The following OLFM3 variants were observed in gnomAD, a reference collection of about 807,000 sequenced individuals.
The protein encoded by OLFM3 is noelin-3.
A neutral mutation model predicts 48.6 loss-of-function variants in OLFM3; 20 were observed. That is an observed-to-expected ratio of 0.41 (90% CI 0.29 to 0.60). OLFM3 has a LOEUF of 0.60. OLFM3 is among the 20% of genes least tolerant of loss of function. The probability of loss-of-function intolerance (pLI) is 0.28; values close to 1 mark genes in which losing one functional copy is unlikely to be tolerated. For missense variants in OLFM3, 437 were observed against 544.3 expected, an observed-to-expected ratio of 0.80 and a Z score of 1.96; for synonymous variants, 222 against 198.1, an observed-to-expected ratio of 1.12 and a Z score of -1.01.
At chr1:101,935,980 A>G (rs1391152550) in intron 1 of OLFM3, among the ~76,000 whole-genome samples, 1 of 152,184 alleles carries the variant, frequency 6.6e-6, no homozygotes, top group East Asian at 1.9e-4. Flanking sequence ...CCTCAAAATA[A>G]TAAGAACCAT....
In OLFM3 at chr1:101,955,489, C is replaced by T. The variant is rs1660261121; in HGVS notation, c.69+41259G>A. 2.6e-5 allele frequency among the ~76,000 whole-genome samples: 4 copies of T among 151,972 alleles called. No individual in the cohort carries two copies. The South Asian group carries it at 8.3e-4, about 31-fold the overall frequency. ...ACCATATTCGATAACCTATTTTCAG[C>T]ACTACTTGACTTCTATGTGAAATTT... On this transcript the variant is annotated intron_variant, in intron 1 of 5. Transcript: ENST00000370103.
rs545956909 is a variant in OLFM3, at chr1:101,889,772, A to G, written c.70-52747T>C. ...ACTTAGCAGTATTTGACTAAGAGGT[A>G]AAAGATTAAAAGGAGTTAAAGATGG... On this transcript the variant is annotated intron_variant, in intron 1 of 5. Transcript: ENST00000370103. Among the ~76,000 whole-genome samples, 3 of 152,196 alleles carry G rather than the reference A, an allele frequency of 2.0e-5. No individual in the cohort carries two copies. The East Asian group carries it at 5.8e-4, about 29-fold the overall frequency.
intron 1 of OLFM3, among the ~76,000 whole-genome samples, chr1:101,839,095 AT>A (rs1203862714): frequency 6.6e-6 from 1 of 152,202 alleles, no homozygotes; most frequent in Non-Finnish European, 1.5e-5. Flanking sequence ...TCCTTGATCT[AT>A]TACGTAAAGG....
In OLFM3 at chr1:101,966,066, G is replaced by T. The variant is rs1660598666; in HGVS notation, c.69+30682C>A. 3.3e-5 allele frequency among the ~76,000 whole-genome samples: 5 copies of T among 152,146 alleles called. No homozygotes were observed. The South Asian group carries it at 1.0e-3, about 32-fold the overall frequency. On this transcript the variant is annotated intron_variant, in intron 1 of 5. Transcript: ENST00000370103. ...ACTCCTCTTCTTTCATTAGGCTTGG[G>T]ATAGCAGTTGTTCTCTTCTGCTATT...
chr1:101,869,647 G>C (rs889076913), intron 1 of OLFM3, among the ~76,000 whole-genome samples: 4 of 152,106 alleles, frequency 2.6e-5, no homozygotes, highest in African/African-American at 9.7e-5. Flanking sequence ...ATATGTTATG[G>C]CTGTGTCGTC....
At chr1:101,962,177 T>C (rs990086944) in intron 1 of OLFM3, among the ~76,000 whole-genome samples, 7 of 151,932 alleles carry the variant, frequency 4.6e-5, no homozygotes, top group Non-Finnish European at 8.8e-5. Context: ...AAAGAAGGGG[T>C]GATGGATAGA....
intron 1 of OLFM3, among the ~76,000 whole-genome samples, chr1:101,848,267 T>C (rs1656088580): frequency 6.6e-6 from 1 of 152,146 alleles, no homozygotes; most frequent in South Asian, 2.1e-4. Context: ...AAAGGAAAAG[T>C]ATTGTTTTGA....
intron 1 of OLFM3, among the ~76,000 whole-genome samples, chr1:101,887,523 A>G (rs1014572772): frequency 2.0e-5 from 3 of 152,054 alleles, no homozygotes; most frequent in Admixed American, 6.6e-5. Context: ...CTTAAGGTCA[A>G]TAATGTCTAG....
At position 101,883,958 on chromosome 1, in the gene OLFM3, G is replaced by A. The variant is rs569865350; in HGVS notation, c.70-46933C>T. On this transcript the variant is annotated intron_variant, in intron 1 of 5. Coordinates refer to ENST00000370103, the MANE Select transcript of OLFM3 (RefSeq NM_058170.4). ...TATCTTTTTTTTTTAATCCTGGTCT[G>A]TATTGATTCTCATCTTTTAAGCCAC... is the stretch of plus-strand genomic sequence containing the variant. Among the ~76,000 whole-genome samples the A allele has an allele frequency of 2.0e-5, 3 of 151,700 alleles. No homozygotes were observed. In the East Asian group the frequency reaches 5.9e-4, roughly 30 times the overall value.
chr1:101,836,127 T>C (rs1324501883), intron 2 of OLFM3, among the ~76,000 whole-genome samples: 1 of 152,182 alleles, frequency 6.6e-6, no homozygotes, highest in East Asian at 1.9e-4. Context: ...TTATTCCTAA[T>C]GACATTTAGA....
At chr1:101,964,815 T>A (rs1458289177) in intron 1 of OLFM3, among the ~76,000 whole-genome samples, 2 of 152,222 alleles carry the variant, frequency 1.3e-5, no homozygotes, top group Admixed American at 1.3e-4. Context: ...ATTTTTATTT[T>A]AAACAAGTTG....
At chr1:101,855,442 C>A (rs775730266) in intron 1 of OLFM3, among the ~76,000 whole-genome samples, 2 of 152,040 alleles carry the variant, frequency 1.3e-5, no homozygotes, top group African/African-American at 4.8e-5. Flanking sequence ...CACTGTGTCT[C>A]ATACACACAC....
At chr1:101,871,887 C>T (rs1657097687) in intron 1 of OLFM3, among the ~76,000 whole-genome samples, 1 of 152,064 alleles carries the variant, frequency 6.6e-6, no homozygotes, top group Non-Finnish European at 1.5e-5. Context: ...TTAAGTACCA[C>T]AGAGAGAAGT....
At chr1:101,868,808 A>C (rs1429534437) in intron 1 of OLFM3, among the ~76,000 whole-genome samples, 1 of 152,198 alleles carries the variant, frequency 6.6e-6, no homozygotes, top group African/African-American at 2.4e-5. Context: ...GGTTCCCTCT[A>C]TCCCAGCTGC....
chr1:101,994,716 G>C (rs1388107531), intron 1 of OLFM3, among the ~76,000 whole-genome samples: 1 of 151,508 alleles, frequency 6.6e-6, no homozygotes, highest in African/African-American at 2.4e-5. Context: ...TGTTTTGAAA[G>C]TTTTAATATT....
intron 1 of OLFM3, among the ~76,000 whole-genome samples, chr1:101,868,482 T>C (rs984177679): frequency 6.6e-6 from 1 of 152,112 alleles, no homozygotes; most frequent in East Asian, 1.9e-4. Context: ...ATTTTTAACT[T>C]GAGAAAGATA....
intron 4 of OLFM3, among the ~76,000 whole-genome samples, chr1:101,811,507 C>T (rs12048142): frequency 0.15 from 23,474 of 151,954 alleles, 1,969 homozygotes; most frequent in East Asian, 0.27. Flanking sequence ...ACAAACAACC[C>T]GATCAAAAAG....
intron 1 of OLFM3, among the ~76,000 whole-genome samples, chr1:101,900,808 T>C (rs1390520957): frequency 6.6e-6 from 1 of 151,958 alleles, no homozygotes; most frequent in African/African-American, 2.4e-5. Flanking sequence ...CTAAAGTGGA[T>C]TGGGGATAAA....
chr1:101,940,776 A>G (rs903212238), intron 1 of OLFM3, among the ~76,000 whole-genome samples: 7 of 151,054 alleles, frequency 4.6e-5, no homozygotes, highest in Non-Finnish European at 8.9e-5. Flanking sequence ...GTGTATATAT[A>G]TACACACAAA....
Sources: gnomAD v4.1 joint callset for allele counts (sites outside exome capture counted in the v4.1 genomes callset) on GRCh38, gnomAD v4.1.1 for gene constraint, MANE v1.5 for transcripts, NCBI Gene and HGNC (gene_info 2026-07-23, HGNC 2026-07-21) for gene names.